The following TSC1 variants were observed in gnomAD, a reference collection of about 807,000 sequenced individuals.
The protein encoded by TSC1 is TSC complex subunit 1, also known as hamartin.
TSC1 carries 20 observed loss-of-function variants against 124.3 expected under a neutral mutation model. The observed-to-expected ratio is 0.16, with a 90% confidence interval of 0.11 to 0.23. The LOEUF is 0.23. Among genes scored for constraint, TSC1 ranks in the 10% least tolerant of loss-of-function variants. The probability of loss-of-function intolerance (pLI) is 1.00; values close to 1 mark genes in which losing one functional copy is unlikely to be tolerated. For missense variants in TSC1, 1,124 were observed against 1,448.5 expected (o/e 0.78, Z 3.64); for synonymous variants, 493 against 539.1 (o/e 0.91, Z 1.19).
rs397515293 is a variant in TSC1 at position 132,911,567 on chromosome 9, C to G, written c.915G>C (p.Gly305=). The part of the protein sequence containing the change: ...SPYADTQNSY[G]CATSTPYSTS... ...TGGAGTAAGGGGTAGAAGTAGCACA[C>G]CCTAAAATGGAAGAGAAGAACACAG... is the stretch of plus-strand genomic sequence containing the variant. Residue 305 remains glycine, a splice_region_variant and synonymous_variant, in exon 10 of 23, where the codon GGG becomes GGC. Coordinates refer to ENST00000298552, the MANE Select transcript of TSC1 (RefSeq NM_000368.5). The G allele has an allele frequency of 6.6e-5, 101 of 1,530,300 alleles. No individual in the cohort carries two copies. The African/African-American group carries it at 1.4e-3, about 21-fold the overall frequency. The allele number at this position is 1,530,300 out of a possible 1,614,324, so 94.8% of individuals were successfully genotyped here.
chr9:132,894,773 G>GT lies in TSC1; in HGVS notation c.*1461dup, dbSNP rs1303008636. On this transcript the variant is annotated 3_prime_UTR_variant, in exon 23 of 23. Transcript: ENST00000298552. ...GGCACTAAGATTTCGTACCGTGACA[G>GT]TTTTTTACCTCTTTATGACTGAATC... is the stretch of plus-strand genomic sequence containing the variant. The GT allele has an allele frequency of 1.0e-4, 23 of 220,442 alleles. No individual in the cohort carries two copies. The highest frequency in any genetic ancestry group is 3.6e-4 in the African/African-American group (16 of 44,354). 13.7% of individuals were successfully genotyped at this position (220,442 alleles called of 1,614,324 possible).
At chr9:132,933,307 C>A (rs1204877840) in intron 2 of TSC1, among the ~76,000 whole-genome samples, 1 of 152,116 alleles carries the variant, frequency 6.6e-6, no homozygotes, top group African/African-American at 2.4e-5. Flanking sequence ...CTCATGTGAT[C>A]CTCCCACCTT....
At chr9:132,917,319 C>T (rs1214993039) in intron 8 of TSC1, among the ~76,000 whole-genome samples, 1 of 152,038 alleles carries the variant, frequency 6.6e-6, no homozygotes, top group Non-Finnish European at 1.5e-5. Flanking sequence ...ATTTCTTCCT[C>T]CACCAAAGTT....
chr9:132,928,731 T>A (rs1454604414), intron 3 of TSC1, 36 bp downstream of exon 3: 1 of 1,611,832 alleles, frequency 6.2e-7, no homozygotes, highest in South Asian at 1.1e-5. Context: ...CTCTTCTTTC[T>A]AGAAGATAAG....
intron 1 of TSC1, among the ~76,000 whole-genome samples, chr9:132,936,228 C>A (rs1168688506): frequency 6.6e-6 from 1 of 152,180 alleles, no homozygotes; most frequent in Admixed American, 6.5e-5. Context: ...GATCCTCCCA[C>A]CTCAGCCTCC....
At position 132,896,045 on chromosome 9, in the gene TSC1, G is replaced by A; in HGVS notation, c.*190C>T. 1 of 778,706 alleles carries A rather than the reference G, an allele frequency of 1.3e-6. No individual in the cohort carries two copies. The highest frequency in any genetic ancestry group is 1.6e-5 in the South Asian group (1 of 62,938). The allele number at this position is 778,706 out of a possible 1,614,324, so 48.2% of individuals were successfully genotyped here. A position where few individuals can be genotyped will look rare whatever the true frequency, so the allele number is the denominator to read the frequency against. On this transcript the variant is annotated 3_prime_UTR_variant, in exon 23 of 23. Coordinates refer to ENST00000298552, the MANE Select transcript of TSC1 (RefSeq NM_000368.5). The surrounding 1 kb of genome is among the most constrained non-coding windows in gnomAD (Gnocchi z 4.5). ...GGGGTTAGGGCGGGTGGAGGGGAAG[G>A]TCAAGAGGCATTTCAATGCCAGATC...
In TSC1 at chr9:132,902,778, A is replaced by G. The variant is rs2131741485; in HGVS notation, c.2218T>C (p.Leu740=). 2 of 1,613,488 alleles carry G rather than the reference A, an allele frequency of 1.2e-6. No individual in the cohort carries two copies. Among genetic ancestry groups the G allele is most frequent in the Non-Finnish European group, 1.7e-6 (2 of 1,180,022 alleles). Residue 740 remains leucine (L), a synonymous_variant, in exon 18 of 23, where the codon TTG becomes CTG. Coordinates refer to ENST00000298552, the MANE Select transcript of TSC1 (RefSeq NM_000368.5). This position sits in a 1 kb window ranked among gnomAD's most constrained non-coding sequence, Gnocchi z 5.2. ...EEHNAAMKDQ[L]KLQEKDIQMW... The stretch of plus-strand genomic sequence containing the variant: ...TGGATGTCCTTCTCTTGTAACTTCA[A>G]CTGATCTTTCTAGCAGAGACCAGAA...
chr9:132,944,393 G>C (rs1326877348), intron 1 of TSC1, 150 bp downstream of exon 1: 2 of 392,828 alleles, frequency 5.1e-6, no homozygotes, highest in Non-Finnish European at 4.5e-6. Context: ...AGGGAGGGGA[G>C]AGCTCTCCGA....
At chr9:132,930,587 C>CAAAAAAAAAAAAAAAAAAAAAAAAAAAAA (rs58163733) in intron 2 of TSC1, among the ~76,000 whole-genome samples, 1 of 45,248 alleles carries the variant, frequency 2.2e-5, no homozygotes, top group Non-Finnish European at 3.8e-5. Context: ...GACTCTGCCT[C>CAAAAAAAAAAAAAAAAAAAAAAAAAAAAA]AAAAAAAAAA....
At chr9:132,924,061 A>AAT (rs10653890) in intron 5 of TSC1, among the ~76,000 whole-genome samples, 104,149 of 151,092 alleles carry the variant, frequency 0.69, 35,964 homozygotes, top group South Asian at 0.76. Flanking sequence ...AGTAAATTAA[A>AAT]ATATATATAT....
intron 2 of TSC1, among the ~76,000 whole-genome samples, chr9:132,930,014 A>G (rs1326132766): frequency 6.6e-6 from 1 of 152,194 alleles, no homozygotes; most frequent in Non-Finnish European, 1.5e-5. Context: ...AGCAGGTATC[A>G]TCCTTATTTT....
intron 8 of TSC1, among the ~76,000 whole-genome samples, chr9:132,919,514 C>G (rs1394078658): frequency 6.6e-6 from 1 of 152,156 alleles, no homozygotes; most frequent in Non-Finnish European, 1.5e-5. Flanking sequence ...ACATTGGAAG[C>G]AGGGTGGCAA....
upstream of TSC1, chr9:132,944,966 G>C (rs1032915404): frequency 6.2e-5 from 12 of 195,048 alleles, no homozygotes; most frequent in African/African-American, 2.8e-4. Context: ...ACTGGCGGGC[G>C]GGGGGACGCG....
rs1305659364 is a variant in TSC1 at position 132,921,497 on chromosome 9, G to A, written c.664-61C>T. 3 of 1,567,300 alleles carry A rather than the reference G, an allele frequency of 1.9e-6. No homozygotes were observed. The highest frequency in any genetic ancestry group is 2.7e-5 in the African/African-American group (2 of 73,902). On this transcript the variant is annotated intron_variant, in intron 7 of 22. Coordinates refer to ENST00000298552, the MANE Select transcript of TSC1 (RefSeq NM_000368.5). The surrounding 1 kb of genome is among the most constrained non-coding windows in gnomAD (Gnocchi z 4.3). ...AATGTTTGTGGAACATCCAAATGAT[G>A]GAATATTAGTTGACAATTAAAAGGA...
intron 1 of TSC1, chr9:132,942,557 T>TA (rs1256345756): frequency 3.9e-5 from 6 of 152,258 alleles, no homozygotes; most frequent in African/African-American, 1.4e-4. Flanking sequence ...TATCAGTTTT[T>TA]ACTCTTAACC....
At position 132,902,835 on chromosome 9, in the gene TSC1, G is replaced by A; in HGVS notation, c.2209-48C>T. Reference sequence around the variant, plus strand: ...TCATTTTAGCTGTCTTCCAACACAGGCAATTTAACACACACTGCGAACATT... The same window carrying A: ...TCATTTTAGCTGTCTTCCAACACAGACAATTTAACACACACTGCGAACATT... On this transcript the variant is annotated intron_variant, in intron 17 of 22. Coordinates refer to ENST00000298552, the MANE Select transcript of TSC1 (RefSeq NM_000368.5). This position sits in a 1 kb window ranked among gnomAD's most constrained non-coding sequence, Gnocchi z 5.2. The A allele has an allele frequency of 6.2e-7, 1 of 1,602,954 alleles. No individual in the cohort carries two copies. The highest frequency in any genetic ancestry group is 1.1e-5 in the South Asian group (1 of 90,750).
chr9:132,895,924 A>T lies in TSC1; in HGVS notation c.*311T>A. On this transcript the variant is annotated 3_prime_UTR_variant, in exon 23 of 23. Transcript: ENST00000298552. ...TTGGCCTCATATTGCACAGGTTCAA[A>T]GGACGCAACCATTTGGGGGGGAAAG... 1 of 452,962 alleles carries T rather than the reference A, an allele frequency of 2.2e-6. No individual in the cohort carries two copies. The highest frequency in any genetic ancestry group is 4.0e-6 in the Non-Finnish European group (1 of 247,162). 28.1% of individuals were successfully genotyped at this position (452,962 alleles called of 1,614,324 possible).
Position 132,896,335 on chromosome 9 carries a change from G to A in TSC1, c.3395C>T (p.Pro1132Leu), listed in dbSNP as rs1564469655. 1 of 1,614,154 alleles carries A rather than the reference G, an allele frequency of 6.2e-7. No homozygotes were observed. Among genetic ancestry groups the A allele is most frequent in the Admixed American group, 1.7e-5 (1 of 60,028 alleles). ...GKDLGVEAKI[P>L]LNLDGPHPSP... ...CGGGTGAGGGCCATCTAGGTTCAGGGGAATCTTGGCTTCCACACCCAAGTC... is the reference window on the plus strand; with the variant it reads ...CGGGTGAGGGCCATCTAGGTTCAGGAGAATCTTGGCTTCCACACCCAAGTC... Residue 1132 changes from proline to leucine, a missense_variant, in exon 23 of 23, where the codon CCC becomes CTC. By Grantham distance (98) the Pro-to-Leu change is moderately conservative. This residue lies in a region of TSC1 where 325 missense variants were observed against 383.4 expected (regional missense o/e 0.85). Transcript: ENST00000298552. The surrounding 1 kb of genome is among the most constrained non-coding windows in gnomAD (Gnocchi z 4.5).
intron 12 of TSC1, among the ~76,000 whole-genome samples, chr9:132,908,901 C>CTTTTTT (rs35234317): frequency 0.037 from 4,446 of 121,310 alleles, 232 homozygotes; most frequent in Non-Finnish European, 0.053. Context: ...CTACCTTGCA[C>CTTTTTT]TTTTTTTTTT....
Sources: allele counts gnomAD v4.1 joint callset (sites outside exome capture counted in the v4.1 genomes callset), GRCh38; gene constraint gnomAD v4.1.1; regional missense constraint gnomAD v4.1.1; non-coding constraint Gnocchi (gnomAD v3.1); transcripts MANE v1.5; gene names NCBI Gene and HGNC (gene_info 2026-07-23, HGNC 2026-07-21).